Variants in DPP6 observed in about 807,000 individuals in gnomAD.
The protein encoded by DPP6 is A-type potassium channel modulatory protein DPP6.
In DPP6, 69 loss-of-function variants were observed where a neutral mutation model predicts 122.6. That is an observed-to-expected ratio of 0.56 (90% CI 0.46 to 0.69). The LOEUF (loss-of-function observed/expected upper bound fraction) is 0.69. Ranked by LOEUF, DPP6 falls within the 30% of genes least tolerant of loss-of-function variation. The pLI, the probability that DPP6 is intolerant of heterozygous loss-of-function variation, is 0.00. For missense variants in DPP6, 928 were observed against 1,116.9 expected (o/e 0.83, Z 2.41); for synonymous variants, 418 against 433.1 (o/e 0.97, Z 0.43).
chr7:154,438,469 CAAAAAAAAAA>C (rs58978160), intron 1 of DPP6, among the ~76,000 whole-genome samples: 11 of 37,470 alleles, frequency 2.9e-4, no homozygotes, highest in East Asian at 2.9e-3. Context: ...GACTCCAACT[CAAAAAAAAAA>C]AAAAAAAAAA....
chr7:154,063,508 C>A (rs1227890708), intron 1 of DPP6, among the ~76,000 whole-genome samples: 2 of 129,062 alleles, frequency 1.5e-5, no homozygotes, highest in African/African-American at 2.8e-5. Context: ...GCTCTTAAGA[C>A]CCCCATCGCA....
At chr7:153,884,697 G>T (rs746541512), upstream of DPP6, among the ~76,000 whole-genome samples, 1 of 152,120 alleles carries the variant, frequency 6.6e-6, no homozygotes, top group Non-Finnish European at 1.5e-5. Context: ...TATGTTTGTC[G>T]GCCGGGCGCA....
At chr7:154,430,195 G>A (rs539294472) in intron 1 of DPP6, among the ~76,000 whole-genome samples, 181 of 152,278 alleles carry the variant, frequency 1.2e-3, no homozygotes, top group Non-Finnish European at 1.9e-3. Context: ...CAAGGCTTTC[G>A]TTTCCCTGTG....
chr7:154,303,999 G>C (rs565337701), intron 1 of DPP6, among the ~76,000 whole-genome samples: 1 of 152,348 alleles, frequency 6.6e-6, no homozygotes, highest in Non-Finnish European at 1.5e-5. Flanking sequence ...AGCATGTCTA[G>C]TTGGCCTCTT....
At chr7:154,162,244 G>A (rs998025740) in intron 1 of DPP6, among the ~76,000 whole-genome samples, 6 of 151,818 alleles carry the variant, frequency 4.0e-5, no homozygotes, top group Non-Finnish European at 5.9e-5. Context: ...GTGGAGGGAG[G>A]CCTTGGTCTA....
intron 1 of DPP6, among the ~76,000 whole-genome samples, chr7:154,397,553 A>C (rs1218046299): frequency 6.6e-6 from 1 of 152,214 alleles, no homozygotes; most frequent in Admixed American, 6.5e-5. Context: ...ACATGATTTC[A>C]GTAGAATAAA....
chr7:154,280,631 T>C (rs12703340), intron 1 of DPP6, among the ~76,000 whole-genome samples: 37,216 of 152,122 alleles, frequency 0.24, 5,177 homozygotes, highest in Non-Finnish European at 0.31. Flanking sequence ...ATTTAATTAA[T>C]AATAGTAATA....
intron 7 of DPP6, among the ~76,000 whole-genome samples, chr7:154,714,454 A>G (rs1460771534): frequency 6.6e-6 from 1 of 152,208 alleles, no homozygotes; most frequent in Non-Finnish European, 1.5e-5. Flanking sequence ...TAATTGACTC[A>G]CGGTTCTGCA....
intron 1 of DPP6, among the ~76,000 whole-genome samples, chr7:153,962,328 A>G (rs71545664): frequency 1.3e-5 from 2 of 151,768 alleles, no homozygotes; most frequent in Admixed American, 6.6e-5. Context: ...GATGCTAGTG[A>G]CTCCTTCTTC....
chr7:153,960,669 G>A (rs546956783), intron 1 of DPP6, among the ~76,000 whole-genome samples: 52 of 92,006 alleles, frequency 5.7e-4, no homozygotes, highest in African/African-American at 1.6e-3. Context: ...GTGTGCGGGT[G>A]TGTATGTGTG....
intron 1 of DPP6, among the ~76,000 whole-genome samples, chr7:153,889,235 G>C (rs564576900): frequency 2.0e-5 from 3 of 152,288 alleles, no homozygotes; most frequent in African/African-American, 7.2e-5. Flanking sequence ...CTAATTGCTT[G>C]TTTATGAAAA....
chr7:154,271,620 G>A (rs905964031), intron 1 of DPP6, among the ~76,000 whole-genome samples: 5 of 152,060 alleles, frequency 3.3e-5, no homozygotes, highest in Non-Finnish European at 7.4e-5. Context: ...CTGCTCAGTG[G>A]GACCAGCAAG....
At chr7:154,554,567 TTTAG>T (rs59323470) in intron 4 of DPP6, among the ~76,000 whole-genome samples, 11,906 of 152,160 alleles carry the variant, frequency 0.078, 1,408 homozygotes, top group African/African-American at 0.26. Context: ...AAACCAATCC[TTTAG>T]TTAGATATGT....
the DPP6 span, among the ~76,000 whole-genome samples, chr7:153,785,754 G>T: frequency 1.7e-4 from 26 of 152,032 alleles, no homozygotes; most frequent in Non-Finnish European, 3.2e-4. Flanking sequence ...TCAACCAATT[G>T]TAATCCTTCC....
rs548159559 is a variant in DPP6, at chr7:154,065,769, C to T, written c.243+12706C>T. Reference sequence around the variant, plus strand: ...CCACGGACATCAGTGGCATAGAGGCCCTGAGTTGGACTCAGGTTTTCCTCA... The same window carrying T: ...CCACGGACATCAGTGGCATAGAGGCTCTGAGTTGGACTCAGGTTTTCCTCA... On this transcript the variant is annotated intron_variant, in intron 1 of 25. Transcript: ENST00000377770. 3.0e-4 allele frequency among the ~76,000 whole-genome samples: 46 copies of T among 152,184 alleles called. 1 individual carries two copies. Among genetic ancestry groups the T allele is most frequent in the African/African-American group, 9.6e-4 (40 of 41,538 alleles).
At chr7:153,808,817 C>A in the DPP6 span, among the ~76,000 whole-genome samples, 1 of 151,936 alleles carries the variant, frequency 6.6e-6, no homozygotes, top group East Asian at 1.9e-4. Flanking sequence ...GCATCTGTAT[C>A]TTGATTATTG....
chr7:154,344,502 T>C (rs900874548), intron 1 of DPP6, among the ~76,000 whole-genome samples: 4 of 152,106 alleles, frequency 2.6e-5, no homozygotes, highest in South Asian at 2.1e-4. Context: ...TGGAGAGTAG[T>C]ATGGAGGTTC....
intron 1 of DPP6, among the ~76,000 whole-genome samples, chr7:154,442,401 C>T (rs1819457305): frequency 6.6e-6 from 1 of 152,128 alleles, no homozygotes; most frequent in Non-Finnish European, 1.5e-5. Flanking sequence ...AGAATAATGC[C>T]GGTGAAACCA....
intron 3 of DPP6, among the ~76,000 whole-genome samples, chr7:154,500,560 G>T (rs956184614): frequency 6.6e-6 from 1 of 152,146 alleles, no homozygotes; most frequent in Non-Finnish European, 1.5e-5. Context: ...AGTCTCATGA[G>T]ATCTGATGGT....
Sources: allele counts gnomAD v4.1 joint callset (sites outside exome capture counted in the v4.1 genomes callset), GRCh38; gene constraint gnomAD v4.1.1; transcripts MANE v1.5; gene names NCBI Gene and HGNC (gene_info 2026-07-23, HGNC 2026-07-21).